GABRA5: variants seen among roughly 807,000 people sequenced by gnomAD.
The protein encoded by GABRA5 is gamma-aminobutyric acid type A receptor subunit alpha5.
A neutral mutation model predicts 47.3 loss-of-function variants in GABRA5; 18 were observed. The ratio of observed to expected loss-of-function variants is 0.38; its 90% CI spans 0.26 to 0.56. The LOEUF (loss-of-function observed/expected upper bound fraction) is 0.56, where lower values mean the gene tolerates loss of function less well. Among genes scored for constraint, GABRA5 ranks in the 20% least tolerant of loss-of-function variants. GABRA5 has a pLI of 0.71. For synonymous variants in GABRA5, 237 were observed against 229.3 expected, an observed-to-expected ratio of 1.03 and a Z score of -0.30; for missense variants, 365 against 599.3, an observed-to-expected ratio of 0.61 and a Z score of 4.08.
intron 3 of GABRA5, among the ~76,000 whole-genome samples, chr15:26,872,068 G>A (rs947131766): frequency 5.3e-5 from 8 of 152,172 alleles, no homozygotes; most frequent in African/African-American, 1.9e-4. Flanking sequence ...TTTTTCAACA[G>A]CCACAAAAGA....
chr15:26,890,943 A>G (rs1892991237), intron 6 of GABRA5, among the ~76,000 whole-genome samples: 1 of 152,188 alleles, frequency 6.6e-6, no homozygotes, highest in Non-Finnish European at 1.5e-5. Context: ...TGGTTCACAG[A>G]CATGTTCTGT....
At chr15:26,914,723 G>A (rs1166364382) in intron 6 of GABRA5, 80 bp from the exon 7 acceptor site, 1 of 1,069,566 alleles carries the variant, frequency 9.3e-7, no homozygotes, top group Non-Finnish European at 1.5e-6. Flanking sequence ...ACTTAATATG[G>A]CTTTCTGGGA....
intron 7 of GABRA5, among the ~76,000 whole-genome samples, chr15:26,931,700 G>A (rs796561268): frequency 2.6e-5 from 4 of 152,264 alleles, no homozygotes; most frequent in African/African-American, 9.6e-5. Context: ...TCATAGATGG[G>A]AATATTTATT....
chr15:26,881,313 A>G (rs1282469990), intron 4 of GABRA5, among the ~76,000 whole-genome samples: 5 of 152,290 alleles, frequency 3.3e-5, no homozygotes, highest in South Asian at 2.1e-4. Context: ...GCGTTACTAA[A>G]GCTGAGATTA....
chr15:26,882,851 G>T (rs1293424400), intron 4 of GABRA5, among the ~76,000 whole-genome samples: 1 of 152,170 alleles, frequency 6.6e-6, no homozygotes, highest in Non-Finnish European at 1.5e-5. Context: ...AGGAGGAAAT[G>T]GAAGCTCGGG....
chr15:26,875,501 C>T (rs1472288696), intron 3 of GABRA5, among the ~76,000 whole-genome samples: 1 of 152,142 alleles, frequency 6.6e-6, no homozygotes, highest in Admixed American at 6.5e-5. Context: ...AAGAGTAATT[C>T]AGAGTAAGAG....
chr15:26,886,488 T>G (rs932098559), intron 6 of GABRA5, among the ~76,000 whole-genome samples: 7 of 152,156 alleles, frequency 4.6e-5, no homozygotes, highest in Non-Finnish European at 7.4e-5. Flanking sequence ...ACAGCGTCCT[T>G]CAGCCCTCAG....
chr15:26,946,155 G>C (rs550976701), intron 10 of GABRA5, among the ~76,000 whole-genome samples: 1 of 140,074 alleles, frequency 7.1e-6, no homozygotes, highest in East Asian at 1.9e-4. Context: ...TCCACGCTTG[G>C]GCTTTCTGCT....
intron 8 of GABRA5, chr15:26,939,369 C>A (rs370166525): frequency 2.6e-6 from 2 of 765,280 alleles, no homozygotes; most frequent in East Asian, 4.9e-5. Context: ...AAAGAACAGG[C>A]GACACCTCTC....
At chr15:26,875,884 C>G (rs1042573928) in intron 3 of GABRA5, among the ~76,000 whole-genome samples, 1 of 152,016 alleles carries the variant, frequency 6.6e-6, no homozygotes, top group African/African-American at 2.4e-5. Context: ...GTGACTTAAA[C>G]GTTGAAGCTC....
chr15:26,893,962 C>T (rs1013533997), intron 6 of GABRA5, among the ~76,000 whole-genome samples: 7 of 152,060 alleles, frequency 4.6e-5, no homozygotes, highest in Admixed American at 4.6e-4. Flanking sequence ...ATTCCAAGGA[C>T]CCTTGCTTGA....
chr15:26,894,128 C>A (rs934611047), intron 6 of GABRA5, among the ~76,000 whole-genome samples: 1 of 152,120 alleles, frequency 6.6e-6, no homozygotes, highest in Non-Finnish European at 1.5e-5. Flanking sequence ...GGGCAGAAGC[C>A]CTGCCCAGAC....
intron 10 of GABRA5, among the ~76,000 whole-genome samples, chr15:26,944,091 G>A (rs8030385): frequency 0.024 from 3,710 of 152,312 alleles, 157 homozygotes; most frequent in African/African-American, 0.085. Flanking sequence ...ATCTCTGTAT[G>A]GAGAGAACAG....
At chr15:26,870,790 T>G (rs1335526553) in intron 3 of GABRA5, among the ~76,000 whole-genome samples, 1 of 152,250 alleles carries the variant, frequency 6.6e-6, no homozygotes, top group East Asian at 1.9e-4. Context: ...TATTCAAATT[T>G]GTCATCTAAT....
chr15:26,938,953 A>C (rs1317995683), intron 8 of GABRA5, among the ~76,000 whole-genome samples: 1 of 152,228 alleles, frequency 6.6e-6, no homozygotes, highest in African/African-American at 2.4e-5. Flanking sequence ...CTAATGTCCC[A>C]ACACGCAGTC....
At chr15:26,923,689 C>G (rs1208008762) in intron 7 of GABRA5, among the ~76,000 whole-genome samples, 3 of 152,116 alleles carry the variant, frequency 2.0e-5, no homozygotes, top group Admixed American at 6.5e-5. Flanking sequence ...AACACTCTTT[C>G]TGGTCCAGCC....
chr15:26,944,905 C>A (rs892602313), intron 10 of GABRA5, among the ~76,000 whole-genome samples: 2 of 152,026 alleles, frequency 1.3e-5, no homozygotes, highest in African/African-American at 4.8e-5. Flanking sequence ...AACGTGAGCC[C>A]CCGGGTGAAT....
chr15:26,894,054 C>T (rs1444516729), intron 6 of GABRA5, among the ~76,000 whole-genome samples: 1 of 152,074 alleles, frequency 6.6e-6, no homozygotes, highest in Non-Finnish European at 1.5e-5. Context: ...CCGCGCGCCC[C>T]CTGTGCTCCC....
rs1429938556 is a variant in GABRA5 at position 26,900,830 on chromosome 15, C to T, written c.498-13973C>T. Reference sequence around the variant, plus strand: ...ATATCACAGGAGTATTTTTGTTGCTCTAAAAATCCTCTGTGCTCTGCTTAA... The same window carrying T: ...ATATCACAGGAGTATTTTTGTTGCTTTAAAAATCCTCTGTGCTCTGCTTAA... On this transcript the variant is annotated intron_variant, in intron 6 of 10. Coordinates refer to ENST00000335625, the MANE Select transcript of GABRA5 (RefSeq NM_000810.4). Among the ~76,000 whole-genome samples the T allele has an allele frequency of 2.0e-5, 3 of 152,086 alleles. No individual in the cohort carries two copies. In the East Asian group the frequency reaches 5.8e-4, roughly 29 times the overall value.
Sources: allele counts gnomAD v4.1 joint callset (sites outside exome capture counted in the v4.1 genomes callset), GRCh38; gene constraint gnomAD v4.1.1; transcripts MANE v1.5; gene names NCBI Gene and HGNC (gene_info 2026-07-23, HGNC 2026-07-21).